The following CASZ1 variants were observed in gnomAD, a reference collection of about 807,000 sequenced individuals.
The protein encoded by CASZ1 is zinc finger protein castor homolog 1.
In CASZ1, 28 loss-of-function variants were observed where a neutral mutation model predicts 135.2. The observed-to-expected ratio is 0.21, with a 90% CI of 0.15 to 0.28. The LOEUF is 0.28. Ranked by LOEUF, CASZ1 falls within the 10% of genes least tolerant of loss-of-function variation. CASZ1 has a pLI of 1.00. For missense variants in CASZ1, 2,161 were observed against 2,453.3 expected, an observed-to-expected ratio of 0.88 and a Z score of 2.52; for synonymous variants, 1,068 against 1,073.4, an observed-to-expected ratio of 0.99 and a Z score of 0.10.
intron 2 of CASZ1, among the ~76,000 whole-genome samples, chr1:10,715,189 C>T (rs1639355060): frequency 1.3e-5 from 2 of 152,344 alleles, no homozygotes; most frequent in Non-Finnish European, 2.9e-5. Flanking sequence ...CCTCAGCAAC[C>T]TCCATCCTGT....
chr1:10,764,423 G>C (rs368466922), intron 1 of CASZ1, among the ~76,000 whole-genome samples: 11 of 152,234 alleles, frequency 7.2e-5, no homozygotes, highest in Admixed American at 2.6e-4. Flanking sequence ...GAGAACTCTT[G>C]GTATGAACCA....
chr1:10,726,087 C>G lies in CASZ1; in HGVS notation c.-76-20543G>C, dbSNP rs1293316952. Among the ~76,000 whole-genome samples the G allele has an allele frequency of 1.3e-5, 2 of 152,146 alleles. No homozygotes were observed. Among genetic ancestry groups the G allele is most frequent in the Admixed American group, 1.3e-4 (2 of 15,280 alleles). The stretch of plus-strand genomic sequence containing the variant: ...GCCTCCAACCACCTATGGGGCAGGG[C>G]CTATACTATCACCACCACCACTACT... On this transcript the variant is annotated intron_variant, in intron 2 of 20. Transcript: ENST00000377022. This position sits in a 1 kb window ranked among gnomAD's most constrained non-coding sequence, Gnocchi z 5.7.
chr1:10,703,483 C>A (rs747936553), intron 3 of CASZ1, among the ~76,000 whole-genome samples: 2 of 152,198 alleles, frequency 1.3e-5, no homozygotes, highest in Non-Finnish European at 2.9e-5. Context: ...CACCCCAGCT[C>A]CTCCTTGCCA....
chr1:10,784,712 C>T (rs555278282), intron 1 of CASZ1, among the ~76,000 whole-genome samples: 33 of 152,260 alleles, frequency 2.2e-4, no homozygotes, highest in African/African-American at 7.9e-4. Context: ...TACAGGCTTC[C>T]ACCACCATAC....
At chr1:10,689,356 T>C (rs964281118) in intron 4 of CASZ1, among the ~76,000 whole-genome samples, 1 of 152,196 alleles carries the variant, frequency 6.6e-6, no homozygotes, top group African/African-American at 2.4e-5. Flanking sequence ...GCATTTATTT[T>C]ATTTTTCCAT....
At chr1:10,678,498 AG>A (rs545927219) in intron 4 of CASZ1, among the ~76,000 whole-genome samples, 3 of 125,764 alleles carry the variant, frequency 2.4e-5, no homozygotes, top group South Asian at 2.6e-4. Flanking sequence ...CGCCCCCGCG[AG>A]GGGGCCCGAG....
chr1:10,656,850 G>A (rs1007060423), intron 7 of CASZ1, 114 bp from the exon 8 acceptor site: 5 of 691,362 alleles, frequency 7.2e-6, no homozygotes, highest in African/African-American at 1.8e-5. Flanking sequence ...GCAGAGGGGA[G>A]GTGAAGTTGC....
rs942661846 is a variant in CASZ1 at position 10,759,714 on chromosome 1, G to A, written c.-77+987C>T. On this transcript the variant is annotated intron_variant, in intron 2 of 20. Coordinates refer to ENST00000377022, the MANE Select transcript of CASZ1 (RefSeq NM_001079843.3). This position sits in a 1 kb window ranked among gnomAD's most constrained non-coding sequence, Gnocchi z 4.2. Reference sequence around the variant, plus strand: ...CTGCTGAGCCCAGCCCCAGAGGGAGGGGCAGGACACACCTGCCCAGAGTGA... The same window carrying A: ...CTGCTGAGCCCAGCCCCAGAGGGAGAGGCAGGACACACCTGCCCAGAGTGA... 1.3e-5 allele frequency among the ~76,000 whole-genome samples: 2 copies of A among 152,118 alleles called. No homozygotes were observed. Among genetic ancestry groups the A allele is most frequent in the Non-Finnish European group, 2.9e-5 (2 of 68,026 alleles).
In CASZ1 at chr1:10,644,911, C is replaced by T. The variant is rs115739667; in HGVS notation, c.3868+6G>A. ...AGTCCCTGCCCGCAGCCCCAGCCCT[C>T]GGTACCTAGCCTGCCACACTCCTCG... On this transcript the variant is annotated splice_donor_region_variant and intron_variant, in intron 18 of 20. Transcript: ENST00000377022. The T allele has an allele frequency of 0.011, 17,451 of 1,610,456 alleles. 122 individuals carry two copies. The highest frequency in any genetic ancestry group is 0.021 in the Middle Eastern group (126 of 5,986).
chr1:10,779,967 G>C (rs1001434031), intron 1 of CASZ1, among the ~76,000 whole-genome samples: 4 of 152,142 alleles, frequency 2.6e-5, no homozygotes, highest in Non-Finnish European at 4.4e-5. Flanking sequence ...GTGTGTACCT[G>C]GAAGAGGGGC....
intron 20 of CASZ1, 54 bp downstream of exon 20, chr1:10,642,805 C>G: frequency 6.3e-7 from 1 of 1,592,414 alleles, no homozygotes. Flanking sequence ...CCCAGCGGTG[C>G]TGGGCTTTGG....
intron 4 of CASZ1, among the ~76,000 whole-genome samples, chr1:10,677,646 A>G (rs1054678494): frequency 2.0e-5 from 3 of 152,200 alleles, no homozygotes; most frequent in African/African-American, 7.2e-5. Context: ...AACTTGGCAA[A>G]AGCCCAGGCC....
At position 10,638,980 on chromosome 1, in the gene CASZ1, C is replaced by A; in HGVS notation, c.5242G>T (p.Ala1748Ser). The change falls in exon 21 of 21, where the codon GCC becomes TCC. Residue 1748 changes from alanine (A) to serine (S), a missense_variant. Physicochemically the swap from Ala to Ser is moderately conservative, Grantham distance 99 (BLOSUM62 1). Transcript: ENST00000377022. The surrounding 1 kb of genome is among the most constrained non-coding windows in gnomAD (Gnocchi z 5.9). Reference sequence around the variant, plus strand: ...GCTGCAGTGGGCGCGGGGCCGGGGGCGCCCAGGGCCGCCAGCGCCGCCAAG... The same window carrying A: ...GCTGCAGTGGGCGCGGGGCCGGGGGAGCCCAGGGCCGCCAGCGCCGCCAAG... The part of the protein sequence containing the change: ...PALAALAALG[A>S]PGPAPTAASS... 1.0e-6 allele frequency: 1 copy of A among 981,698 alleles called. No individual in the cohort carries two copies. Among genetic ancestry groups the A allele is most frequent in the Non-Finnish European group, 1.2e-6 (1 of 828,874 alleles). The allele number at this position is 981,698 out of a possible 1,614,324, so 60.8% of individuals were successfully genotyped here.
In CASZ1 at chr1:10,788,190, G is replaced by C. The variant is rs1005776244; in HGVS notation, c.-234+8374C>G. Among the ~76,000 whole-genome samples the C allele has an allele frequency of 5.9e-5, 9 of 152,198 alleles. No homozygotes were observed. Among genetic ancestry groups the C allele is most frequent in the Non-Finnish European group, 1.2e-4 (8 of 68,040 alleles). ...TCCATTACTGTGGATAGGGGAACCGGGAGAGCTGCCTTTGGCTTGGTGAGG... is the reference window on the plus strand; with the variant it reads ...TCCATTACTGTGGATAGGGGAACCGCGAGAGCTGCCTTTGGCTTGGTGAGG... On this transcript the variant is annotated intron_variant, in intron 1 of 20. Transcript: ENST00000377022. This position sits in a 1 kb window ranked among gnomAD's most constrained non-coding sequence, Gnocchi z 4.1.
Position 10,726,328 on chromosome 1 carries a change from T to C in CASZ1, c.-76-20784A>G, listed in dbSNP as rs1211031583. On this transcript the variant is annotated intron_variant, in intron 2 of 20. Coordinates refer to ENST00000377022, the MANE Select transcript of CASZ1 (RefSeq NM_001079843.3). The surrounding 1 kb of genome is among the most constrained non-coding windows in gnomAD (Gnocchi z 5.7). ...GAGGTGAAACCGGGTCTCCCCAGCTTGGGGCTACTGACCAACAGCCACGCT... is the reference window on the plus strand; with the variant it reads ...GAGGTGAAACCGGGTCTCCCCAGCTCGGGGCTACTGACCAACAGCCACGCT... 1.3e-5 allele frequency among the ~76,000 whole-genome samples: 2 copies of C among 152,098 alleles called. No individual in the cohort carries two copies. The highest frequency in any genetic ancestry group is 4.8e-5 in the African/African-American group (2 of 41,408).
rs1469639860 is a variant in CASZ1 at position 10,654,120 on chromosome 1, T to C, written c.1937A>G (p.Lys646Arg). The change falls in exon 11 of 21, where the codon AAG becomes AGG. Residue 646 changes from lysine to arginine, a missense_variant. This residue lies in a region of CASZ1 where 248 missense variants were observed against 410.8 expected (regional missense o/e 0.60). Transcript: ENST00000377022. ...GCACTCCTCGTACTTGTAGAACTTC[T>C]TGAAGCCGTCCTTGGCGTAGGCATC... The part of the protein sequence containing the change: ...KDDAYAKDGF[K>R]KFYKYEECKY... 1 of 1,614,120 alleles carries C rather than the reference T, an allele frequency of 6.2e-7. No individual in the cohort carries two copies. The highest frequency in any genetic ancestry group is 1.3e-5 in the African/African-American group (1 of 74,942).
chr1:10,743,767 G>A (rs1012217017), intron 2 of CASZ1, among the ~76,000 whole-genome samples: 5 of 151,268 alleles, frequency 3.3e-5, no homozygotes, highest in Admixed American at 2.6e-4. Flanking sequence ...CCCCGATCCC[G>A]TGACGGGAGG....
intron 3 of CASZ1, among the ~76,000 whole-genome samples, chr1:10,698,188 C>T (rs935388825): frequency 2.0e-5 from 3 of 152,228 alleles, no homozygotes; most frequent in African/African-American, 7.2e-5. Flanking sequence ...GCCGCACGCT[C>T]GGCCCCGTAA....
At chr1:10,766,023 C>A (rs540685942) in intron 1 of CASZ1, among the ~76,000 whole-genome samples, 12 of 152,200 alleles carry the variant, frequency 7.9e-5, no homozygotes, top group African/African-American at 2.4e-4. Flanking sequence ...GAAACCACCA[C>A]CTTTTCACAG....
Sources: gnomAD v4.1 joint callset for allele counts (sites outside exome capture counted in the v4.1 genomes callset) on GRCh38, gnomAD v4.1.1 for gene constraint, gnomAD v4.1.1 regional missense constraint, Gnocchi (gnomAD v3.1) non-coding constraint, MANE v1.5 for transcripts, NCBI Gene and HGNC (gene_info 2026-07-23, HGNC 2026-07-21) for gene names.